The following DOK6 variants were observed in gnomAD, a reference collection of about 807,000 sequenced individuals.
The protein encoded by DOK6 is downstream of tyrosine kinase 6.
In DOK6, 22 loss-of-function variants were observed where a neutral mutation model predicts 44.0. That is an observed-to-expected ratio of 0.50 (90% CI 0.36 to 0.71). The LOEUF is 0.71. Ranked by LOEUF, DOK6 falls within the 30% of genes least tolerant of loss-of-function variation. DOK6 has a pLI of 0.00. For synonymous variants in DOK6, 166 were observed against 145.5 expected (o/e 1.14, Z -1.01); for missense variants, 340 against 416.4 (o/e 0.82, Z 1.60).
chr18:69,495,588 G>T (rs1283682643), intron 1 of DOK6, among the ~76,000 whole-genome samples: 1 of 152,140 alleles, frequency 6.6e-6, no homozygotes, highest in Non-Finnish European at 1.5e-5. Flanking sequence ...GCAGCTATAG[G>T]CGGGCCCAGA....
chr18:69,584,072 C>T (rs1271079774), intron 2 of DOK6, among the ~76,000 whole-genome samples: 2 of 135,956 alleles, frequency 1.5e-5, no homozygotes, highest in Admixed American at 8.1e-5. Flanking sequence ...CGCGCCACTG[C>T]ACTCCAGCCT....
chr18:69,767,912 A>G (rs1979768049), intron 7 of DOK6, among the ~76,000 whole-genome samples: 3 of 152,196 alleles, frequency 2.0e-5, no homozygotes, highest in African/African-American at 7.2e-5. Context: ...TTACTAAAAG[A>G]TAAAAGATGA....
chr18:69,823,625 T>TTGTGTGTGTG (rs72248499), intron 7 of DOK6, among the ~76,000 whole-genome samples: 2,362 of 146,852 alleles, frequency 0.016, 16 homozygotes, highest in East Asian at 0.024. Flanking sequence ...GTGTGTGTGT[T>TTGTGTGTGTG]TGTGTGTGTG....
At chr18:69,499,215 A>ATG (rs1980981498) in intron 1 of DOK6, among the ~76,000 whole-genome samples, 2 of 152,054 alleles carry the variant, frequency 1.3e-5, no homozygotes, top group South Asian at 4.1e-4. Context: ...ATACATATAT[A>ATG]TGTGTGTATG....
rs995117151 is a variant in DOK6 at position 69,668,169 on chromosome 18, G to T, written c.290-9565G>T. Among the ~76,000 whole-genome samples, 6 of 151,912 alleles carry T rather than the reference G, an allele frequency of 3.9e-5. 1 individual carries two copies. The highest frequency in any genetic ancestry group is 3.2e-3 in the Middle Eastern group (1 of 316). ...TCCTGAATATATCCTAAATGTGAAT[G>T]ATTCTCATCGCCACCATTCCCCACT... is the stretch of plus-strand genomic sequence containing the variant. On this transcript the variant is annotated intron_variant, in intron 3 of 7. Transcript: ENST00000382713.
intron 1 of DOK6, among the ~76,000 whole-genome samples, chr18:69,412,093 C>T (rs1978308760): frequency 6.6e-6 from 1 of 151,994 alleles, no homozygotes; most frequent in African/African-American, 2.4e-5. Context: ...GTTTTCGATG[C>T]CTTCGAATAT....
chr18:69,686,886 C>G (rs920351104), intron 4 of DOK6, among the ~76,000 whole-genome samples: 1 of 151,888 alleles, frequency 6.6e-6, no homozygotes, highest in Non-Finnish European at 1.5e-5. Flanking sequence ...AACAGAAAAT[C>G]CAAAAAGCCC....
intron 2 of DOK6, among the ~76,000 whole-genome samples, chr18:69,589,045 T>C (rs984960222): frequency 6.6e-6 from 1 of 151,938 alleles, no homozygotes; most frequent in African/African-American, 2.4e-5. Flanking sequence ...GAGGCAAATA[T>C]AAGGAAGCAG....
At chr18:69,537,025 G>A (rs1273860416) in intron 1 of DOK6, among the ~76,000 whole-genome samples, 9 of 135,880 alleles carry the variant, frequency 6.6e-5, no homozygotes, top group Middle Eastern at 4.0e-3. Context: ...AAATAGACAC[G>A]AGGTCTTGCT....
chr18:69,603,482 T>C (rs1271732092), intron 3 of DOK6, among the ~76,000 whole-genome samples: 4 of 152,134 alleles, frequency 2.6e-5, no homozygotes, highest in Non-Finnish European at 5.9e-5. Context: ...CCCTAAAATA[T>C]GGACATCTGC....
intron 1 of DOK6, among the ~76,000 whole-genome samples, chr18:69,472,733 C>T (rs1332092161): frequency 6.6e-6 from 1 of 152,108 alleles, no homozygotes; most frequent in East Asian, 1.9e-4. Flanking sequence ...CATACACGCA[C>T]AGATAGACAC....
intron 7 of DOK6, among the ~76,000 whole-genome samples, chr18:69,765,077 A>G (rs948621481): frequency 4.6e-5 from 7 of 152,226 alleles, no homozygotes; most frequent in African/African-American, 1.2e-4. Context: ...GAGTTCTGCC[A>G]TAGATTAAGG....
In DOK6 at chr18:69,420,013, A is replaced by G. The variant is rs112290817; in HGVS notation, c.66+18703A>G. ...AATATATTTTATATCTTACCTAAGAAGTGTTATTCGATGTTTAATTTTTAC... is the reference window on the plus strand; with the variant it reads ...AATATATTTTATATCTTACCTAAGAGGTGTTATTCGATGTTTAATTTTTAC... On this transcript the variant is annotated intron_variant, in intron 1 of 7. Coordinates refer to ENST00000382713, the MANE Select transcript of DOK6 (RefSeq NM_152721.6). 1.1e-3 allele frequency among the ~76,000 whole-genome samples: 163 copies of G among 152,276 alleles called. 1 individual carries two copies. The highest frequency in any genetic ancestry group is 3.7e-3 in the African/African-American group (153 of 41,564).
At chr18:69,775,178 C>CA (rs1335659703) in intron 7 of DOK6, among the ~76,000 whole-genome samples, 1 of 151,890 alleles carries the variant, frequency 6.6e-6, no homozygotes. Context: ...CTGAAATATG[C>CA]AAGAATAAAT....
chr18:69,492,057 G>A (rs953688951), intron 1 of DOK6, among the ~76,000 whole-genome samples: 2 of 152,114 alleles, frequency 1.3e-5, no homozygotes, highest in Non-Finnish European at 2.9e-5. Flanking sequence ...CTAATTGTAT[G>A]CCAGCAGCAG....
intron 7 of DOK6, among the ~76,000 whole-genome samples, chr18:69,795,959 T>A (rs1355680675): frequency 6.6e-6 from 1 of 151,760 alleles, no homozygotes; most frequent in Non-Finnish European, 1.5e-5. Flanking sequence ...TCCGAGCTCA[T>A]CCTGTAACAG....
Position 69,848,019 on chromosome 18 carries a change from TCACACACA to T in DOK6, c.*6673_*6680del, listed in dbSNP as rs59389862. On this transcript the variant is annotated 3_prime_UTR_variant, in exon 8 of 8. Coordinates refer to ENST00000382713, the MANE Select transcript of DOK6 (RefSeq NM_152721.6). ...CCTCCACCCCAACCTTAGTGCATGC[TCACACACA>T]CACACACACACACACACACACACAC... 0.44 allele frequency: 63,655 copies of T among 143,374 alleles called. 16,053 individuals carry two copies. The highest frequency in any genetic ancestry group is 0.55 in the Non-Finnish European group (36,452 of 65,724). The allele number at this position is 143,374 out of a possible 1,614,324, so 8.9% of individuals were successfully genotyped here. A position where few individuals can be genotyped will look rare whatever the true frequency, so the allele number is the denominator to read the frequency against.
At chr18:69,754,523 T>G (rs746868696) in intron 6 of DOK6, among the ~76,000 whole-genome samples, 7 of 152,170 alleles carry the variant, frequency 4.6e-5, no homozygotes, top group African/African-American at 7.2e-5. Flanking sequence ...GTACTCATAT[T>G]AGTTTGCTCA....
chr18:69,448,999 C>G (rs1415583059), intron 1 of DOK6, among the ~76,000 whole-genome samples: 2 of 152,122 alleles, frequency 1.3e-5, no homozygotes, highest in Non-Finnish European at 2.9e-5. Flanking sequence ...CAAAGAAGAG[C>G]TGACAAGACA....
Sources: gnomAD v4.1 joint callset for allele counts (sites outside exome capture counted in the v4.1 genomes callset) on GRCh38, gnomAD v4.1.1 for gene constraint, MANE v1.5 for transcripts, NCBI Gene and HGNC (gene_info 2026-07-23, HGNC 2026-07-21) for gene names.